The following TM2D3 variants were observed in gnomAD, a reference collection of about 807,000 sequenced individuals.
TM2D3 encodes TM2 domain containing 3.
A neutral mutation model predicts 27.3 loss-of-function variants in TM2D3; 33 were observed. That is an observed-to-expected ratio of 1.21 (90% confidence interval 0.92 to 1.61). The LOEUF (loss-of-function observed/expected upper bound fraction) is 1.61, where lower values mean the gene tolerates loss of function less well. Among genes scored for constraint, TM2D3 ranks in the 40% most tolerant of loss-of-function variants. The pLI is 0.00. For synonymous variants in TM2D3, 138 were observed against 122.2 expected (o/e 1.13, Z -0.85); for missense variants, 364 against 320.8 (o/e 1.13, Z -1.03).
chr15:101,645,298 T>C, intron 4 of TM2D3, 136 bp from the exon 5 acceptor site: 1 of 694,460 alleles, frequency 1.4e-6, no homozygotes, highest in Non-Finnish European at 2.4e-6. Flanking sequence ...AAGTGAAGAG[T>C]ACAAAGCGCT....
At chr15:101,652,073 G>A in intron 1 of TM2D3, 198 bp downstream of exon 1, 3 of 565,512 alleles carry the variant, frequency 5.3e-6, no homozygotes, top group South Asian at 2.3e-5. Flanking sequence ...GGCGGGCTCG[G>A]TGTCGCCGGA....
rs1013509213 is a variant in TM2D3, at chr15:101,649,020, C to T, written c.327+984G>A. On this transcript the variant is annotated intron_variant, in intron 3 of 5. Transcript: ENST00000333202. The stretch of plus-strand genomic sequence containing the variant: ...TGAGCATCTGACCCTTATACTCTCA[C>T]AAACTCAGAGTTAATCAAATTAAAA... Among the ~76,000 whole-genome samples, 8 of 152,232 alleles carry T rather than the reference C, an allele frequency of 5.3e-5. No homozygotes were observed. The East Asian group carries it at 1.5e-3, about 29-fold the overall frequency.
intron 3 of TM2D3, among the ~76,000 whole-genome samples, chr15:101,647,798 C>T (rs1275905558): frequency 1.3e-5 from 2 of 152,136 alleles, no homozygotes; most frequent in African/African-American, 4.8e-5. Context: ...CCTGACATTA[C>T]ATTGCAGTGC....
At chr15:101,651,637 C>A in intron 2 of TM2D3, 59 bp downstream of exon 2, 1 of 1,504,018 alleles carries the variant, frequency 6.6e-7, no homozygotes, top group Non-Finnish European at 9.1e-7. Flanking sequence ...TTTATAAAAA[C>A]AAAGAGAAAC....
intron 2 of TM2D3, chr15:101,651,428 ATGG>A: frequency 2.4e-6 from 1 of 414,556 alleles, no homozygotes. Context: ...GGTTATTTTG[ATGG>A]ATGAAGTGGA....
intron 4 of TM2D3, chr15:101,636,644 A>G (rs1896557077): frequency 1.7e-5 from 3 of 176,732 alleles, no homozygotes; most frequent in African/African-American, 7.2e-5. Context: ...TTTGGTGCTG[A>G]CAACTTTCAC....
rs936885880 is a variant in TM2D3, at chr15:101,647,553, G to A, written c.328-654C>T. Among the ~76,000 whole-genome samples the A allele has an allele frequency of 2.6e-5, 4 of 152,212 alleles. No individual in the cohort carries two copies. In the East Asian group the frequency reaches 7.7e-4, roughly 29 times the overall value. On this transcript the variant is annotated intron_variant, in intron 3 of 5. Transcript: ENST00000333202. ...CACATGGTGTGTGGAGGCTCAGTGA[G>A]TGTTCACTGGTGGCCAGAGAATTTT...
Position 101,646,757 on chromosome 15 carries a change from T to G in TM2D3, c.470A>C (p.Asn157Thr), listed in dbSNP as rs1896822258. Residue 157 changes from asparagine (N) to threonine (T), a missense_variant, in exon 4 of 6, where the codon AAC becomes ACC. Transcript: ENST00000333202. ...VSCPRQRYPA[N>T]CTVRDHVHCL... ...GTGGACGTGGTCCCGCACCGTGCAG[T>G]TGGCAGGGTAGCGCTGCCGAGGACA... is the stretch of plus-strand genomic sequence containing the variant. 1 of 1,614,210 alleles carries G rather than the reference T, an allele frequency of 6.2e-7. No homozygotes were observed.
At chr15:101,645,932 G>C (rs1354983328) in intron 4 of TM2D3, 1 of 152,170 alleles carries the variant, frequency 6.6e-6, no homozygotes, top group African/African-American at 2.4e-5. Flanking sequence ...CTCTTGGAGA[G>C]AATATGGCTC....
chr15:101,651,521 G>T (rs767588505), intron 2 of TM2D3, 175 bp downstream of exon 2: 19 of 597,848 alleles, frequency 3.2e-5, no homozygotes, highest in Non-Finnish European at 4.7e-5. Context: ...GTATAAATAC[G>T]AAGACTATCT....
In TM2D3 at chr15:101,642,430, C is replaced by T; in HGVS notation, c.*49G>A. 6.5e-7 allele frequency: 1 copy of T among 1,530,124 alleles called. No homozygotes were observed. 94.8% of individuals were successfully genotyped at this position (1,530,124 alleles called of 1,614,324 possible). A position where few individuals can be genotyped will look rare whatever the true frequency, so the allele number is the denominator to read the frequency against. On this transcript the variant is annotated 3_prime_UTR_variant, in exon 6 of 6. Coordinates refer to ENST00000333202, the MANE Select transcript of TM2D3 (RefSeq NM_078474.3). Reference sequence around the variant, plus strand: ...CTCACACCACATCAACTCCTACGGACAAAAGGGCTTTTTCTAAGCCCTGCT... The same window carrying T: ...CTCACACCACATCAACTCCTACGGATAAAAGGGCTTTTTCTAAGCCCTGCT...
At position 101,652,309 on chromosome 15, in the gene TM2D3, A is replaced by G. The variant is rs1897010918; in HGVS notation, c.53T>C (p.Leu18Pro). Reference protein sequence around the residue: ...LRGLRALCRVLLFLSQFCILS... With the variant: ...LRGLRALCRVPLFLSQFCILS... ...AATGCAGAACTGCGAGAGGAAGAGCAGCACGCGACACAAGGCGCGGAGGCC... is the reference window on the plus strand; with the variant it reads ...AATGCAGAACTGCGAGAGGAAGAGCGGCACGCGACACAAGGCGCGGAGGCC... Residue 18 changes from leucine (L) to proline (P), a missense_variant, in exon 1 of 6, where the codon CTG becomes CCG. Transcript: ENST00000333202. 1.9e-6 allele frequency: 3 copies of G among 1,603,414 alleles called. No homozygotes were observed. Among genetic ancestry groups the G allele is most frequent in the Non-Finnish European group, 2.6e-6 (3 of 1,175,514 alleles).
At chr15:101,636,793 T>C (rs1442499932) in intron 4 of TM2D3, 1 of 295,094 alleles carries the variant, frequency 3.4e-6, no homozygotes, top group Non-Finnish European at 7.0e-6. Context: ...CAGCAATATA[T>C]GAAGGTTCCA....
intron 3 of TM2D3, among the ~76,000 whole-genome samples, chr15:101,647,662 A>G (rs2141366989): frequency 6.6e-6 from 1 of 152,352 alleles, no homozygotes; most frequent in South Asian, 2.1e-4. Context: ...TGAAGATTAT[A>G]GACAAAAACC....
At chr15:101,639,097 C>G (rs1329869561), downstream of TM2D3, among the ~76,000 whole-genome samples, 1 of 152,102 alleles carries the variant, frequency 6.6e-6, no homozygotes, top group African/African-American at 2.4e-5. Context: ...AAGACAATTT[C>G]AATACATTTA....
At chr15:101,639,847 G>A (rs1176212808), downstream of TM2D3, among the ~76,000 whole-genome samples, 1 of 152,184 alleles carries the variant, frequency 6.6e-6, no homozygotes, top group Non-Finnish European at 1.5e-5. Context: ...GACACCCGTG[G>A]CATTAACTCA....
chr15:101,633,836 A>T (rs1896499064), intron 4 of TM2D3: 1 of 915,812 alleles, frequency 1.1e-6, no homozygotes, highest in Admixed American at 2.8e-5. Context: ...AAGAACCAGG[A>T]CATTCACAAC....
downstream of TM2D3, among the ~76,000 whole-genome samples, chr15:101,641,673 A>G (rs1419673397): frequency 6.6e-6 from 1 of 152,236 alleles, no homozygotes; most frequent in Admixed American, 6.5e-5. Flanking sequence ...AGGGTCTATA[A>G]CAGATCTATA....
chr15:101,643,599 TAAAAAAAAAAAAAAAAAAAAAAAGCAA>T (rs1191839127), intron 5 of TM2D3, among the ~76,000 whole-genome samples: 2 of 47,342 alleles, frequency 4.2e-5, no homozygotes, highest in South Asian at 9.2e-4. Context: ...GAGACTCCGT[TAAAAAAAAAAAAAAAAAAAAAAAGCAA>T]AAAAAAAAAA....
Sources: allele counts gnomAD v4.1 joint callset (sites outside exome capture counted in the v4.1 genomes callset), GRCh38; gene constraint gnomAD v4.1.1; transcripts MANE v1.5; gene names NCBI Gene and HGNC (gene_info 2026-07-23, HGNC 2026-07-21).